ETFBKMT: variants seen among roughly 807,000 people sequenced by gnomAD.
The protein encoded by ETFBKMT is electron transfer flavoprotein beta subunit lysine methyltransferase.
ETFBKMT carries 13 observed loss-of-function variants against 18.3 expected under a neutral mutation model. The ratio of observed to expected loss-of-function variants is 0.71; its 90% confidence interval spans 0.46 to 1.13. The LOEUF (loss-of-function observed/expected upper bound fraction) is 1.13, where lower values mean the gene tolerates loss of function less well. Ranked by LOEUF, ETFBKMT falls within the 50% of genes most tolerant of loss-of-function variation. The probability of loss-of-function intolerance (pLI) is 0.00; values close to 1 mark genes in which losing one functional copy is unlikely to be tolerated. For synonymous variants in ETFBKMT, 84 were observed against 107.9 expected (o/e 0.78, Z 1.37); for missense variants, 293 against 306.2 (o/e 0.96, Z 0.32).
rs144236711 is a variant in ETFBKMT, at chr12:31,647,860, A to C, written c.-114+605A>C. 4.3e-3 allele frequency among the ~76,000 whole-genome samples: 655 copies of C among 152,302 alleles called. 6 individuals are homozygous for C. The highest frequency in any genetic ancestry group is 0.014 in the Middle Eastern group (4 of 294). The stretch of plus-strand genomic sequence containing the variant: ...AAACCAAAGAAAACAAACAAACAAA[A>C]AAAAAACAAGTGTTGATAAGAATGT... On this transcript the variant is annotated intron_variant, in intron 1 of 3. Transcript: ENST00000412352.
chr12:31,657,791 CAAAAAAA>C (rs777612236), upstream of ETFBKMT, among the ~76,000 whole-genome samples: 5 of 46,332 alleles, frequency 1.1e-4, no homozygotes, highest in Non-Finnish European at 1.7e-4. Flanking sequence ...GACTTCATCT[CAAAAAAA>C]AAAAAAAAAA....
At chr12:31,651,714 A>G (rs1364406723) in intron 1 of ETFBKMT, among the ~76,000 whole-genome samples, 1 of 152,188 alleles carries the variant, frequency 6.6e-6, no homozygotes, top group Non-Finnish European at 1.5e-5. Flanking sequence ...TATACAGATA[A>G]ACTTACTAAA....
At chr12:31,653,485 T>C (rs1471526349) in intron 1 of ETFBKMT, among the ~76,000 whole-genome samples, 10 of 152,242 alleles carry the variant, frequency 6.6e-5, no homozygotes, top group Non-Finnish European at 1.5e-5. Flanking sequence ...GCCCGGTTAC[T>C]AACTGAGGGA....
intron 1 of ETFBKMT, among the ~76,000 whole-genome samples, chr12:31,652,518 C>T (rs1471192651): frequency 6.6e-6 from 1 of 152,148 alleles, no homozygotes; most frequent in Non-Finnish European, 1.5e-5. Flanking sequence ...TTCAGGTCGT[C>T]GCCCCTTTCA....
At position 31,649,241 on chromosome 12, in the gene ETFBKMT, AT is replaced by A. The variant is rs1192472171; in HGVS notation, c.-114+1993del. 3.3e-5 allele frequency among the ~76,000 whole-genome samples: 5 copies of A among 152,320 alleles called. No individual in the cohort carries two copies. The East Asian group carries it at 7.7e-4, about 23-fold the overall frequency. On this transcript the variant is annotated intron_variant, in intron 1 of 3. Transcript: ENST00000412352. ...TACATGCTGTTCAGTACAGATACAA[AT>A]TTTTTTCCCCAATTTTTTCAATCTG...
At position 31,659,875 on chromosome 12, in the gene ETFBKMT, G is replaced by A. The variant is rs1309349608; in HGVS notation, c.-114+86G>A. The A allele has an allele frequency of 3.3e-5, 5 of 151,988 alleles. No individual in the cohort carries two copies. The East Asian group carries it at 9.7e-4, about 29-fold the overall frequency. 9.4% of individuals were successfully genotyped at this position (151,988 alleles called of 1,614,324 possible). ...GTTTACAAGCCGAAGCTGGCCGGGC[G>A]TGGTGGCTCGCGCCTGTAATCCCAG... On this transcript the variant is annotated intron_variant, in intron 1 of 3. Transcript: ENST00000357721.
upstream of ETFBKMT, among the ~76,000 whole-genome samples, chr12:31,655,066 C>CAAAAAA (rs772429943): frequency 2.4e-5 from 1 of 41,460 alleles, no homozygotes. Flanking sequence ...ATGAAACAAA[C>CAAAAAA]AAACAAACAA....
At chr12:31,665,856 G>A (rs942770091) in intron 2 of ETFBKMT, among the ~76,000 whole-genome samples, 8 of 152,354 alleles carry the variant, frequency 5.3e-5, no homozygotes, top group Middle Eastern at 3.4e-3. Flanking sequence ...GTTTAAGAAC[G>A]CCTTTAAGCA....
chr12:31,665,176 A>T (rs1037424065), intron 2 of ETFBKMT, among the ~76,000 whole-genome samples: 13 of 152,056 alleles, frequency 8.5e-5, no homozygotes, highest in Non-Finnish European at 1.2e-4. Context: ...ACCTCAGGTG[A>T]TCCACCTGCT....
chr12:31,665,477 CTTTCTTTTCCT>C lies in ETFBKMT; in HGVS notation c.315-600_315-590del, dbSNP rs576999568. On this transcript the variant is annotated intron_variant, in intron 2 of 3. Transcript: ENST00000357721. ...CAGTCAACCTAAAGACATCTCTTTTCTTTCTTTTCCTTTTCTTTTCTTTTTTCTTTTTTTGC... is the reference window on the plus strand; with the variant it reads ...CAGTCAACCTAAAGACATCTCTTTTCTTTCTTTTCTTTTTTCTTTTTTTGC... Among the ~76,000 whole-genome samples the C allele has an allele frequency of 7.3e-3, 1,110 of 152,286 alleles. 18 individuals carry two copies. Among genetic ancestry groups the C allele is most frequent in the African/African-American group, 0.025 (1,058 of 41,564 alleles).
rs758636327 is a variant in ETFBKMT, at chr12:31,672,283, T to C, written c.*4293T>C. On this transcript the variant is annotated 3_prime_UTR_variant, in exon 4 of 4. Coordinates refer to ENST00000357721, the MANE Select transcript of ETFBKMT (RefSeq NM_001135863.2). ...GTAGTTTTGATAAGCTTTCCTAGCATTGATCATCTTCAAAAAAGCATCAAT... is the reference window on the plus strand; with the variant it reads ...GTAGTTTTGATAAGCTTTCCTAGCACTGATCATCTTCAAAAAAGCATCAAT... The C allele has an allele frequency of 3.9e-6, 6 of 1,544,340 alleles. No individual in the cohort carries two copies. Among genetic ancestry groups the C allele is most frequent in the South Asian group, 2.4e-5 (2 of 84,370 alleles).
chr12:31,647,899 C>T (rs909610067), intron 1 of ETFBKMT, among the ~76,000 whole-genome samples: 1 of 151,960 alleles, frequency 6.6e-6, no homozygotes, highest in Non-Finnish European at 1.5e-5. Context: ...GAAATTGGAA[C>T]CTTCATAAAT....
At chr12:31,649,805 G>A (rs1306805935) in intron 1 of ETFBKMT, among the ~76,000 whole-genome samples, 6 of 148,366 alleles carry the variant, frequency 4.0e-5, no homozygotes, top group Admixed American at 2.7e-4. Flanking sequence ...TCTCCGTAGC[G>A]AAGTACAATG....
At chr12:31,666,431 C>T (rs546064899) in intron 3 of ETFBKMT, among the ~76,000 whole-genome samples, 1 of 152,214 alleles carries the variant, frequency 6.6e-6, no homozygotes, top group South Asian at 2.1e-4. Context: ...GCCAGACATC[C>T]AGAGTAAGCA....
At chr12:31,652,720 AG>A (rs1951027831) in intron 1 of ETFBKMT, among the ~76,000 whole-genome samples, 1 of 152,218 alleles carries the variant, frequency 6.6e-6, no homozygotes, top group Non-Finnish European at 1.5e-5. Flanking sequence ...AAAGCAATGC[AG>A]GTGGTGAAAA....
intron 1 of ETFBKMT, among the ~76,000 whole-genome samples, chr12:31,650,390 G>A (rs1161327311): frequency 6.6e-6 from 1 of 152,120 alleles, no homozygotes; most frequent in African/African-American, 2.4e-5. Context: ...CCGTTGTTTA[G>A]CATATATCAT....
chr12:31,654,797 T>C (rs1476172285), upstream of ETFBKMT, among the ~76,000 whole-genome samples: 1 of 152,178 alleles, frequency 6.6e-6, no homozygotes, highest in African/African-American at 2.4e-5. Context: ...GGCTCATGCC[T>C]GTAAACCCAG....
Position 31,661,837 on chromosome 12 carries a change from TC to T in ETFBKMT, c.-113-3del. The T allele has an allele frequency of 1.1e-6, 1 of 870,060 alleles. No homozygotes were observed. The highest frequency in any genetic ancestry group is 1.8e-6 in the Non-Finnish European group (1 of 546,736). 53.9% of individuals were successfully genotyped at this position (870,060 alleles called of 1,614,324 possible). A position where few individuals can be genotyped will look rare whatever the true frequency, so the allele number is the denominator to read the frequency against. ...CTCAGTATTACTTTTCTTTTTTTTT[TC>T]AGAGTCAGAGGTTCCGGTTGAGATC... On this transcript the variant is annotated splice_region_variant and splice_polypyrimidine_tract_variant and intron_variant, in intron 1 of 3. Coordinates refer to ENST00000357721, the MANE Select transcript of ETFBKMT (RefSeq NM_001135863.2).
intron 1 of ETFBKMT, among the ~76,000 whole-genome samples, chr12:31,652,302 AGTGTCC>A (rs1294062906): frequency 6.6e-6 from 1 of 152,052 alleles, no homozygotes; most frequent in Admixed American, 6.6e-5. Context: ...TGTGTGTGTC[AGTGTCC>A]TAAATTTTCC....
Sources: allele counts gnomAD v4.1 joint callset (sites outside exome capture counted in the v4.1 genomes callset), GRCh38; gene constraint gnomAD v4.1.1; transcripts MANE v1.5; gene names NCBI Gene and HGNC (gene_info 2026-07-23, HGNC 2026-07-21).